The following EXD3 variants were observed in gnomAD, a reference collection of about 807,000 sequenced individuals.
The protein encoded by EXD3 is exonuclease mut-7 homolog.
EXD3 carries 92 observed loss-of-function variants against 98.0 expected under a neutral mutation model. The observed-to-expected ratio is 0.94, with a 90% CI of 0.79 to 1.12. The LOEUF (loss-of-function observed/expected upper bound fraction) is 1.12. Ranked by LOEUF, EXD3 falls within the 50% of genes most tolerant of loss-of-function variation. The probability of loss-of-function intolerance (pLI) is 0.00; values close to 1 mark genes in which losing one functional copy is unlikely to be tolerated. For missense variants in EXD3, 1,222 were observed against 1,191.6 expected, an observed-to-expected ratio of 1.03 and a Z score of -0.38; for synonymous variants, 569 against 526.0, an observed-to-expected ratio of 1.08 and a Z score of -1.12.
rs1489849661 is a variant in EXD3, at chr9:137,352,059, G to A, written c.1173+7C>T. ...CCGGGCGCTGCCCCAGCGGCCGAGG[G>A]AACCACCTGCAGGAGTGCACCCTCG... On this transcript the variant is annotated splice_region_variant and intron_variant, in intron 12 of 21. Transcript: ENST00000340951. 1.2e-6 allele frequency: 2 copies of A among 1,609,052 alleles called. No homozygotes were observed. The highest frequency in any genetic ancestry group is 2.2e-5 in the East Asian group (1 of 44,778).
chr9:137,422,703 G>A (rs1838591526), intron 1 of EXD3, among the ~76,000 whole-genome samples: 1 of 152,216 alleles, frequency 6.6e-6, no homozygotes, highest in African/African-American at 2.4e-5. Context: ...GGCCCCTGCA[G>A]GGAGGCGCCC....
chr9:137,337,751 G>A (rs1833435687), intron 17 of EXD3, among the ~76,000 whole-genome samples: 1 of 151,786 alleles, frequency 6.6e-6, no homozygotes, highest in Non-Finnish European at 1.5e-5. Flanking sequence ...GAGGGGGAGA[G>A]AGATGAGCAT....
chr9:137,413,000 C>T (rs1240519472), intron 1 of EXD3, among the ~76,000 whole-genome samples: 2 of 152,072 alleles, frequency 1.3e-5, no homozygotes, highest in African/African-American at 4.8e-5. Flanking sequence ...CCAGACTGGT[C>T]TCAAACTCCT....
chr9:137,383,935 C>T (rs183993825), intron 2 of EXD3, among the ~76,000 whole-genome samples: 14 of 152,334 alleles, frequency 9.2e-5, no homozygotes, highest in African/African-American at 2.9e-4. Context: ...GAGCGAGACC[C>T]GAGGGAGGTT....
chr9:137,335,754 C>G (rs1447700092), intron 17 of EXD3, among the ~76,000 whole-genome samples: 1 of 152,134 alleles, frequency 6.6e-6, no homozygotes, highest in Non-Finnish European at 1.5e-5. Context: ...GAACTAAAAG[C>G]AGATCTACCG....
rs539115983 is a variant in EXD3 at position 137,407,409 on chromosome 9, G to T, written c.-47-12005C>A. On this transcript the variant is annotated intron_variant, in intron 1 of 21. Transcript: ENST00000340951. This position sits in a 1 kb window ranked among gnomAD's most constrained non-coding sequence, Gnocchi z 4.4. ...CACCTGAGGTCCTGGCCCCCAAGGG[G>T]CCATCTGCCCCCGGCTCACCGCAGG... 3.3e-5 allele frequency among the ~76,000 whole-genome samples: 5 copies of T among 152,232 alleles called. No individual in the cohort carries two copies. Among genetic ancestry groups the T allele is most frequent in the Non-Finnish European group, 5.9e-5 (4 of 68,036 alleles).
intron 2 of EXD3, among the ~76,000 whole-genome samples, chr9:137,389,571 C>T (rs553654815): frequency 5.9e-5 from 9 of 152,248 alleles, no homozygotes; most frequent in Admixed American, 1.3e-4. Context: ...AGGGAAAGGG[C>T]GGTACCAGCT....
chr9:137,354,792 T>C lies in EXD3; in HGVS notation c.758-19A>G. On this transcript the variant is annotated intron_variant, in intron 8 of 21. Transcript: ENST00000340951. ...CACAGCGCTGAAAGGAAAGGCCAGCTCAGCACTGAGGGCTCAGGGCAGCCT... is the reference window on the plus strand; with the variant it reads ...CACAGCGCTGAAAGGAAAGGCCAGCCCAGCACTGAGGGCTCAGGGCAGCCT... 1 of 1,604,902 alleles carries C rather than the reference T, an allele frequency of 6.2e-7. No homozygotes were observed. The highest frequency in any genetic ancestry group is 1.3e-5 in the African/African-American group (1 of 74,938).
At chr9:137,318,484 GT>G (rs1831836868) in intron 19 of EXD3, among the ~76,000 whole-genome samples, 1 of 152,214 alleles carries the variant, frequency 6.6e-6, no homozygotes, top group South Asian at 2.1e-4. Flanking sequence ...TGCTGGGGGG[GT>G]GGGGACTGGG....
At chr9:137,413,259 G>A (rs1199790438) in intron 1 of EXD3, among the ~76,000 whole-genome samples, 1 of 151,924 alleles carries the variant, frequency 6.6e-6, no homozygotes, top group Non-Finnish European at 1.5e-5. Flanking sequence ...GGAGTGCAGT[G>A]GCGTGATCTT....
chr9:137,379,494 G>A (rs113815119), intron 3 of EXD3, among the ~76,000 whole-genome samples: 2 of 148,278 alleles, frequency 1.3e-5, no homozygotes, highest in East Asian at 2.0e-4. Context: ...TGCGGGTGAC[G>A]GTGACCGTTG....
chr9:137,317,989 G>A (rs1437026621), intron 19 of EXD3, among the ~76,000 whole-genome samples: 1 of 152,078 alleles, frequency 6.6e-6, no homozygotes, highest in Admixed American at 6.5e-5. Flanking sequence ...GGAGGGGTGG[G>A]GTCTGTGGCC....
At position 137,395,242 on chromosome 9, in the gene EXD3, A is replaced by ACCCCCCCGG; in HGVS notation, c.55+60_55+61insCCGGGGGGG. ...CAGTGGGCGCCACCACCCCCCATGC[A>ACCCCCCCGG]CACCCACGCACCTCCCCCCACAGCC... On this transcript the variant is annotated intron_variant, in intron 2 of 21. Coordinates refer to ENST00000340951, the MANE Select transcript of EXD3 (RefSeq NM_017820.5). This position sits in a 1 kb window ranked among gnomAD's most constrained non-coding sequence, Gnocchi z 6.5. 1 of 1,140,506 alleles carries ACCCCCCCGG rather than the reference A, an allele frequency of 8.8e-7. No individual in the cohort carries two copies. Among genetic ancestry groups the ACCCCCCCGG allele is most frequent in the Non-Finnish European group, 1.3e-6 (1 of 755,514 alleles). The allele number at this position is 1,140,506 out of a possible 1,614,324, so 70.6% of individuals were successfully genotyped here. A position where few individuals can be genotyped will look rare whatever the true frequency, so the allele number is the denominator to read the frequency against.
chr9:137,383,598 C>T (rs1291033530), intron 2 of EXD3, among the ~76,000 whole-genome samples: 4 of 152,244 alleles, frequency 2.6e-5, no homozygotes, highest in Admixed American at 2.6e-4. Flanking sequence ...GCCGCCCATC[C>T]AGCTGAGTCC....
chr9:137,353,564 ACCT>A (rs1009205195), intron 10 of EXD3: 161 of 985,412 alleles, frequency 1.6e-4, no homozygotes, highest in Non-Finnish European at 1.9e-4. Context: ...GTCCTGAGAA[ACCT>A]CATCCTCACC....
intron 19 of EXD3, among the ~76,000 whole-genome samples, chr9:137,321,022 C>T (rs1311700512): frequency 2.6e-5 from 4 of 152,200 alleles, no homozygotes; most frequent in African/African-American, 7.2e-5. Context: ...GCAGAGGCCG[C>T]GGTCCCCGCA....
At chr9:137,418,075 A>G (rs962396699) in intron 1 of EXD3, among the ~76,000 whole-genome samples, 84 of 152,134 alleles carry the variant, frequency 5.5e-4, no homozygotes, top group Non-Finnish European at 1.1e-3. Context: ...GGCCGGGCGC[A>G]GTGGCTCACA....
At chr9:137,397,554 G>A (rs1837276248) in intron 1 of EXD3, among the ~76,000 whole-genome samples, 1 of 151,954 alleles carries the variant, frequency 6.6e-6, no homozygotes, top group South Asian at 2.1e-4. Context: ...ATAAACAAGT[G>A]GAAAAACACA....
At chr9:137,339,489 G>A (rs1214620040) in intron 17 of EXD3, among the ~76,000 whole-genome samples, 1 of 100,912 alleles carries the variant, frequency 9.9e-6, no homozygotes, top group Non-Finnish European at 1.8e-5. Flanking sequence ...ACAGCAAGAC[G>A]CCACTTCAAA....
Sources: gnomAD v4.1 joint callset for allele counts (sites outside exome capture counted in the v4.1 genomes callset) on GRCh38, gnomAD v4.1.1 for gene constraint, Gnocchi (gnomAD v3.1) non-coding constraint, MANE v1.5 for transcripts, NCBI Gene and HGNC (gene_info 2026-07-23, HGNC 2026-07-21) for gene names.